Variants in PCDHA9 observed in about 807,000 individuals in gnomAD.
PCDHA9 encodes protocadherin alpha-9.
In PCDHA9, 62 loss-of-function variants were observed where a neutral mutation model predicts 62.0. The ratio of observed to expected loss-of-function variants is 1.00; its 90% confidence interval spans 0.81 to 1.23. The LOEUF (loss-of-function observed/expected upper bound fraction) is 1.23, where lower values mean the gene tolerates loss of function less well. Among genes scored for constraint, PCDHA9 ranks in the 50% most tolerant of loss-of-function variants. The pLI, the probability that PCDHA9 is intolerant of heterozygous loss-of-function variation, is 0.00. For synonymous variants in PCDHA9, 557 were observed against 567.6 expected, an observed-to-expected ratio of 0.98 and a Z score of 0.27; for missense variants, 1,205 against 1,249.8, an observed-to-expected ratio of 0.96 and a Z score of 0.54.
At chr5:140,907,519 C>A (rs1378450434) in intron 1 of PCDHA9, among the ~76,000 whole-genome samples, 3 of 152,184 alleles carry the variant, frequency 2.0e-5, no homozygotes, top group Non-Finnish European at 4.4e-5. Flanking sequence ...CCAGTGAGGA[C>A]AAATCGCTGC....
rs782027925 is a variant in PCDHA9, at chr5:140,877,333, C to G, written c.2394+26444C>G. The G allele has an allele frequency of 2.5e-6, 4 of 1,613,992 alleles. No individual in the cohort carries two copies. The South Asian group carries it at 3.3e-5, about 13-fold the overall frequency. Reference sequence around the variant, plus strand: ...ACCGGCGGCGGTCGGCGCGCACATCCCGTTCCACGTGGGGCTGTACACTGG... The same window carrying G: ...ACCGGCGGCGGTCGGCGCGCACATCGCGTTCCACGTGGGGCTGTACACTGG... On this transcript the variant is annotated intron_variant, in intron 1 of 3. Transcript: ENST00000532602.
At chr5:140,969,410 T>C (rs528910445) in intron 1 of PCDHA9, 12 of 1,572,752 alleles carry the variant, frequency 7.6e-6, no homozygotes, top group South Asian at 1.2e-5. Flanking sequence ...TTTGGCTTTA[T>C]TGAGTCATTA....
At chr5:140,943,501 T>C (rs1235998322) in intron 1 of PCDHA9, among the ~76,000 whole-genome samples, 1 of 152,088 alleles carries the variant, frequency 6.6e-6, no homozygotes, top group Non-Finnish European at 1.5e-5. Flanking sequence ...GCTATCAAGG[T>C]TCATGGAAAT....
chr5:140,856,210 G>A, intron 1 of PCDHA9: 1 of 1,598,116 alleles, frequency 6.3e-7, no homozygotes, highest in Non-Finnish European at 8.6e-7. Flanking sequence ...TGGGGCTGGA[G>A]CTGGCGGAGC....
chr5:140,928,569 GCCCAGAAATGGTTCTGT>G, intron 1 of PCDHA9: 1 of 1,614,202 alleles, frequency 6.2e-7, no homozygotes, highest in Non-Finnish European at 8.5e-7. Flanking sequence ...TGTTTCCCTT[GCCCAGAAATGGTTCTGT>G]CCCAGTGGAA....
At position 140,877,189 on chromosome 5, in the gene PCDHA9, G is replaced by C. The variant is rs370743077; in HGVS notation, c.2394+26300G>C. ...ACTGCTGGCGACTCCGGCTGGCAGC[G>C]CAGGAGGCGCAGTTAGCGAGTTGGT... On this transcript the variant is annotated intron_variant, in intron 1 of 3. Coordinates refer to ENST00000532602, the MANE Select transcript of PCDHA9 (RefSeq NM_031857.2). The C allele has an allele frequency of 5.1e-5, 82 of 1,613,690 alleles. No homozygotes were observed. Among genetic ancestry groups the C allele is most frequent in the Non-Finnish European group, 6.4e-5 (75 of 1,179,826 alleles).
At chr5:140,854,066 G>A (rs1554146981) in intron 1 of PCDHA9, 1 of 273,774 alleles carries the variant, frequency 3.7e-6, no homozygotes, top group Non-Finnish European at 5.6e-6. Context: ...GGAGGCTGAG[G>A]CGAGAGAATC....
intron 1 of PCDHA9, chr5:140,927,616 G>T (rs1228559116): frequency 6.2e-7 from 1 of 1,614,164 alleles, no homozygotes; most frequent in South Asian, 1.1e-5. Flanking sequence ...CCGCACCAAG[G>T]TTCCAGAGAC....
intron 1 of PCDHA9, chr5:140,854,524 C>T (rs1220385144): frequency 6.7e-6 from 1 of 149,864 alleles, no homozygotes; most frequent in Non-Finnish European, 1.5e-5. Flanking sequence ...TTAAGTGACA[C>T]CCATTTCTGT....
intron 1 of PCDHA9, among the ~76,000 whole-genome samples, chr5:140,959,421 TTTG>T (rs1393541693): frequency 6.6e-6 from 1 of 152,102 alleles, no homozygotes; most frequent in East Asian, 1.9e-4. Flanking sequence ...GATCTGAGAA[TTTG>T]TGTATTTTTT....
chr5:140,882,307 A>G (rs2153383804), intron 1 of PCDHA9: 1 of 1,613,900 alleles, frequency 6.2e-7, no homozygotes, highest in South Asian at 1.1e-5. Context: ...GACCGCGGCA[A>G]CTACTGCTCT....
At chr5:140,887,668 A>G (rs1047587717) in intron 1 of PCDHA9, among the ~76,000 whole-genome samples, 1 of 151,958 alleles carries the variant, frequency 6.6e-6, no homozygotes, top group Non-Finnish European at 1.5e-5. Context: ...CTGTGGATTT[A>G]TCATTTTCAT....
intron 3 of PCDHA9, among the ~76,000 whole-genome samples, chr5:140,999,049 A>C (rs962383659): frequency 1.3e-5 from 2 of 152,214 alleles, no homozygotes; most frequent in African/African-American, 4.8e-5. Flanking sequence ...TGTGCTTTCC[A>C]CCATGCCTAA....
intron 1 of PCDHA9, among the ~76,000 whole-genome samples, chr5:140,896,222 A>G (rs1554186870): frequency 6.6e-6 from 1 of 152,222 alleles, no homozygotes; most frequent in Non-Finnish European, 1.5e-5. Context: ...ATGTGTCTTT[A>G]TAGTAGAATG....
At chr5:140,883,355 A>C (rs763058953) in intron 1 of PCDHA9, 36 of 1,613,958 alleles carry the variant, frequency 2.2e-5, no homozygotes, top group Non-Finnish European at 3.0e-5. Context: ...CAGAGAAGAC[A>C]CTCAGCCTAG....
rs370812126 is a variant in PCDHA9, at chr5:140,869,802, G to A, written c.2394+18913G>A. On this transcript the variant is annotated intron_variant, in intron 1 of 3. Coordinates refer to ENST00000532602, the MANE Select transcript of PCDHA9 (RefSeq NM_031857.2). ...CCGTTCGGCTGTTAGTCCAAGTCTT[G>A]GATGTCAACGACAATGATCCAGAGT... 12 of 1,612,438 alleles carry A rather than the reference G, an allele frequency of 7.4e-6. No homozygotes were observed. The African/African-American group carries it at 1.3e-4, about 18-fold the overall frequency.
intron 1 of PCDHA9, among the ~76,000 whole-genome samples, chr5:140,915,458 G>A (rs1172885235): frequency 6.6e-6 from 1 of 152,126 alleles, no homozygotes; most frequent in Non-Finnish European, 1.5e-5. Context: ...TTTCCAGAAG[G>A]TTTTTATTTG....
chr5:140,950,270 G>A (rs980703743), intron 1 of PCDHA9, among the ~76,000 whole-genome samples: 1 of 151,960 alleles, frequency 6.6e-6, no homozygotes, highest in East Asian at 1.9e-4. Flanking sequence ...TATCCATAAT[G>A]TCTTTTTGCT....
At chr5:140,940,101 G>A (rs754155361) in intron 1 of PCDHA9, among the ~76,000 whole-genome samples, 23 of 152,148 alleles carry the variant, frequency 1.5e-4, no homozygotes, top group Non-Finnish European at 3.2e-4. Flanking sequence ...AACTTTTAGC[G>A]TTATGTATTA....
Sources: gnomAD v4.1 joint callset for allele counts (sites outside exome capture counted in the v4.1 genomes callset) on GRCh38, gnomAD v4.1.1 for gene constraint, MANE v1.5 for transcripts, NCBI Gene and HGNC (gene_info 2026-07-23, HGNC 2026-07-21) for gene names.